The following GRM7 variants were observed in gnomAD, a reference collection of about 807,000 sequenced individuals.
The protein encoded by GRM7 is metabotropic glutamate receptor 7.
A neutral mutation model predicts 84.5 loss-of-function variants in GRM7; 35 were observed. The ratio of observed to expected loss-of-function variants is 0.41; its 90% CI spans 0.32 to 0.55. GRM7 has a LOEUF of 0.55. Ranked by LOEUF, GRM7 falls within the 20% of genes least tolerant of loss-of-function variation. The pLI is 0.19. For synonymous variants in GRM7, 487 were observed against 455.1 expected (o/e 1.07, Z -0.89); for missense variants, 1,003 against 1,194.6 (o/e 0.84, Z 2.36).
chr3:7,693,809 T>G, intron 9 of GRM7: 1 of 584,842 alleles, frequency 1.7e-6, no homozygotes, highest in Non-Finnish European at 3.1e-6. Flanking sequence ...CGGGGGTAGT[T>G]CTCATCACAT....
intron 1 of GRM7, among the ~76,000 whole-genome samples, chr3:7,076,265 A>G (rs534488031): frequency 5.5e-4 from 83 of 152,260 alleles, no homozygotes; most frequent in African/African-American, 1.8e-3. Context: ...TTCTTCCTGC[A>G]CCTGATATGG....
At chr3:7,170,133 G>A (rs956457168) in intron 2 of GRM7, among the ~76,000 whole-genome samples, 1 of 152,218 alleles carries the variant, frequency 6.6e-6, no homozygotes, top group Non-Finnish European at 1.5e-5. Context: ...AGCAACCTGT[G>A]AAGTCACGAC....
chr3:7,385,640 A>T (rs776227552), intron 4 of GRM7, among the ~76,000 whole-genome samples: 4 of 152,218 alleles, frequency 2.6e-5, no homozygotes, highest in Non-Finnish European at 4.4e-5. Context: ...TCAAAGCAAT[A>T]GATTTAACTT....
At chr3:7,349,379 G>T (rs559881925) in intron 4 of GRM7, among the ~76,000 whole-genome samples, 3 of 152,266 alleles carry the variant, frequency 2.0e-5, no homozygotes, top group Admixed American at 6.5e-5. Flanking sequence ...TTGTCATGCA[G>T]AACTCAGGAT....
intron 1 of GRM7, among the ~76,000 whole-genome samples, chr3:6,962,589 T>C (rs1193867656): frequency 6.6e-6 from 1 of 152,212 alleles, no homozygotes; most frequent in Non-Finnish European, 1.5e-5. Context: ...TGACATATAC[T>C]TATTCCTATC....
intron 8 of GRM7, among the ~76,000 whole-genome samples, chr3:7,662,953 G>T (rs2125125178): frequency 6.6e-6 from 1 of 152,366 alleles, no homozygotes; most frequent in Middle Eastern, 3.4e-3. Context: ...TTTTCTGAGA[G>T]ATGCTGATGT....
intron 1 of GRM7, among the ~76,000 whole-genome samples, chr3:7,072,078 C>T (rs1048389615): frequency 6.6e-6 from 1 of 151,958 alleles, no homozygotes; most frequent in Non-Finnish European, 1.5e-5. Flanking sequence ...TAGCATTTCT[C>T]CCCCTGGTAG....
At chr3:7,209,000 T>G (rs1467512141) in intron 2 of GRM7, among the ~76,000 whole-genome samples, 1 of 152,188 alleles carries the variant, frequency 6.6e-6, no homozygotes, top group Non-Finnish European at 1.5e-5. Flanking sequence ...GTTGAAAATA[T>G]CATGAATGAA....
intron 1 of GRM7, among the ~76,000 whole-genome samples, chr3:6,944,824 G>A (rs1698005334): frequency 6.6e-6 from 1 of 152,028 alleles, no homozygotes; most frequent in South Asian, 2.1e-4. Flanking sequence ...TTGTGAGAAG[G>A]TTTTGCATCA....
intron 7 of GRM7, among the ~76,000 whole-genome samples, chr3:7,545,260 G>A (rs987620087): frequency 8.5e-5 from 13 of 152,064 alleles, no homozygotes; most frequent in African/African-American, 1.9e-4. Flanking sequence ...CCTAACTGTC[G>A]ACACACTGAG....
At chr3:6,874,583 A>G (rs1175650502) in intron 1 of GRM7, among the ~76,000 whole-genome samples, 1 of 152,220 alleles carries the variant, frequency 6.6e-6, no homozygotes, top group South Asian at 2.1e-4. Context: ...TGATAAAGAC[A>G]CTGAGGTGTT....
At chr3:7,404,635 A>G (rs1030443540) in intron 4 of GRM7, among the ~76,000 whole-genome samples, 2 of 152,048 alleles carry the variant, frequency 1.3e-5, no homozygotes, top group South Asian at 2.1e-4. Context: ...GGAGCACAAT[A>G]CCAAGATGTG....
Position 7,579,108 on chromosome 3 carries a change from A to T in GRM7, c.2202A>T (p.Glu734Asp). 6.2e-7 allele frequency: 1 copy of T among 1,613,770 alleles called. No homozygotes were observed. Among genetic ancestry groups the T allele is most frequent in the Non-Finnish European group, 8.5e-7 (1 of 1,179,710 alleles). ...DPPNIIIDYD[E>D]HKTMNPEQAR... Reference sequence around the variant, plus strand: ...CCAACATCATCATAGACTATGATGAACACAAGACAATGAACCCTGAGCAAG... The same window carrying T: ...CCAACATCATCATAGACTATGATGATCACAAGACAATGAACCCTGAGCAAG... Residue 734 changes from glutamate to aspartate, a missense_variant, in exon 8 of 10, where the codon GAA becomes GAT. By Grantham distance (45) the Glu-to-Asp change is conservative. Coordinates refer to ENST00000357716, the MANE Select transcript of GRM7 (RefSeq NM_000844.4).
intron 2 of GRM7, among the ~76,000 whole-genome samples, chr3:7,221,426 C>A (rs966656213): frequency 3.3e-5 from 5 of 152,060 alleles, no homozygotes; most frequent in African/African-American, 1.2e-4. Flanking sequence ...GGTTGTTTTT[C>A]TTCCATTTAT....
At chr3:7,348,302 A>C (rs1692981443) in intron 4 of GRM7, among the ~76,000 whole-genome samples, 1 of 152,030 alleles carries the variant, frequency 6.6e-6, no homozygotes, top group South Asian at 2.1e-4. Flanking sequence ...CTGTTGCCTT[A>C]TTGGCATGCC....
chr3:7,489,501 T>C (rs554270534), intron 7 of GRM7, among the ~76,000 whole-genome samples: 40 of 152,310 alleles, frequency 2.6e-4, no homozygotes, highest in African/African-American at 9.6e-4. Context: ...TTCAAAACAC[T>C]GGTTCTTTCA....
At chr3:7,522,958 A>C (rs1334637549) in intron 7 of GRM7, among the ~76,000 whole-genome samples, 1 of 152,074 alleles carries the variant, frequency 6.6e-6, no homozygotes. Flanking sequence ...TTCCCTTTGC[A>C]TGTAAGGATG....
chr3:7,676,452 T>C (rs1700125634), intron 8 of GRM7, among the ~76,000 whole-genome samples: 1 of 150,838 alleles, frequency 6.6e-6, no homozygotes, highest in South Asian at 2.2e-4. Context: ...TTTGTTTTAA[T>C]TAATTAATTA....
At chr3:7,127,248 A>G (rs1280651525) in intron 1 of GRM7, among the ~76,000 whole-genome samples, 1 of 152,142 alleles carries the variant, frequency 6.6e-6, no homozygotes, top group East Asian at 1.9e-4. Context: ...CTCTCCCCTA[A>G]ACACCTAGAG....
Sources: allele counts gnomAD v4.1 joint callset (sites outside exome capture counted in the v4.1 genomes callset), GRCh38; gene constraint gnomAD v4.1.1; transcripts MANE v1.5; gene names NCBI Gene and HGNC (gene_info 2026-07-23, HGNC 2026-07-21).